SORCS2: variants seen among roughly 807,000 people sequenced by gnomAD.
SORCS2 encodes sortilin related VPS10 domain containing receptor 2.
A neutral mutation model predicts 141.6 loss-of-function variants in SORCS2; 100 were observed. The ratio of observed to expected loss-of-function variants is 0.71; its 90% CI spans 0.60 to 0.83. SORCS2 has a LOEUF of 0.83. Ranked by LOEUF, SORCS2 falls within the 40% of genes least tolerant of loss-of-function variation. The pLI, the probability that SORCS2 is intolerant of heterozygous loss-of-function variation, is 0.00. For synonymous variants in SORCS2, 789 were observed against 676.9 expected (o/e 1.17, Z -2.57); for missense variants, 1,646 against 1,560.2 (o/e 1.05, Z -0.93).
rs866095064 is a variant in SORCS2, at chr4:7,322,253, G to A, written c.481-74035G>A. On this transcript the variant is annotated intron_variant, in intron 1 of 26. Coordinates refer to ENST00000507866, the MANE Select transcript of SORCS2 (RefSeq NM_020777.3). ...GGATGAAGTGGGTGCCCAGGCCTGA[G>A]AGTGGGAGCAGAGGGGGCGGTGAGG... 5.3e-5 allele frequency among the ~76,000 whole-genome samples: 8 copies of A among 152,278 alleles called. No homozygotes were observed. The East Asian group carries it at 9.7e-4, about 18-fold the overall frequency.
At chr4:7,443,459 A>G (rs1344119572) in intron 2 of SORCS2, among the ~76,000 whole-genome samples, 1 of 152,220 alleles carries the variant, frequency 6.6e-6, no homozygotes, top group Non-Finnish European at 1.5e-5. Context: ...GAGATCACAC[A>G]GGCCTGAGAC....
intron 3 of SORCS2, among the ~76,000 whole-genome samples, chr4:7,595,553 C>T (rs570643768): frequency 6.6e-6 from 1 of 151,644 alleles, no homozygotes; most frequent in South Asian, 2.1e-4. Context: ...CCAGCCATCT[C>T]ATTACCATAC....
intron 3 of SORCS2, among the ~76,000 whole-genome samples, chr4:7,595,161 G>C (rs1717178990): frequency 6.6e-6 from 1 of 152,172 alleles, no homozygotes; most frequent in Non-Finnish European, 1.5e-5. Flanking sequence ...TCGCCACACA[G>C]AACTCAGGAG....
chr4:7,369,001 G>T (rs1256304132), intron 1 of SORCS2, among the ~76,000 whole-genome samples: 6 of 152,148 alleles, frequency 3.9e-5, no homozygotes, highest in Non-Finnish European at 7.4e-5. Context: ...ATGTGGAATT[G>T]TGAGTCCATT....
In SORCS2 at chr4:7,647,013, C is replaced by T. The variant is rs145472022; in HGVS notation, c.814-7121C>T. Among the ~76,000 whole-genome samples the T allele has an allele frequency of 9.5e-3, 1,442 of 152,256 alleles. 22 individuals are homozygous for T. The highest frequency in any genetic ancestry group is 0.032 in the African/African-American group (1,336 of 41,550). On this transcript the variant is annotated intron_variant, in intron 4 of 26. Coordinates refer to ENST00000507866, the MANE Select transcript of SORCS2 (RefSeq NM_020777.3). ...CCACTCAGGGCCTCGTCTGTCAGGC[C>T]GGGAGACCCGGACTCTTACCTGTGG...
At chr4:7,487,420 C>T (rs1731057409) in intron 2 of SORCS2, among the ~76,000 whole-genome samples, 1 of 152,164 alleles carries the variant, frequency 6.6e-6, no homozygotes, top group Non-Finnish European at 1.5e-5. Context: ...ACCTCCACTT[C>T]CCCCTCCCCT....
At chr4:7,512,026 G>A (rs190943591) in intron 2 of SORCS2, among the ~76,000 whole-genome samples, 17 of 152,306 alleles carry the variant, frequency 1.1e-4, no homozygotes, top group African/African-American at 3.4e-4. Context: ...CTGTTCCTGC[G>A]CAATACACAG....
intron 6 of SORCS2, among the ~76,000 whole-genome samples, chr4:7,661,985 G>A (rs1722204363): frequency 6.6e-6 from 1 of 152,146 alleles, no homozygotes; most frequent in African/African-American, 2.4e-5. Context: ...AATCCCCACA[G>A]AGACATCCTC....
At chr4:7,410,017 G>C (rs900108154) in intron 2 of SORCS2, among the ~76,000 whole-genome samples, 5 of 152,218 alleles carry the variant, frequency 3.3e-5, no homozygotes, top group Admixed American at 6.5e-5. Flanking sequence ...GTCCTCTGAC[G>C]CTCACTGATA....
chr4:7,706,082 C>CTGGGCAGGGATGAGGCTGAGCTCTGT (rs1560498570), intron 14 of SORCS2, among the ~76,000 whole-genome samples: 110 of 78,032 alleles, frequency 1.4e-3, no homozygotes, highest in East Asian at 7.1e-3. Context: ...CTGGGCTCTG[C>CTGGGCAGGGATGAGGCTGAGCTCTGT]CTGGACAGAG....
chr4:7,543,766 A>C (rs1712953034), intron 3 of SORCS2, among the ~76,000 whole-genome samples: 1 of 96,840 alleles, frequency 1.0e-5, no homozygotes. Flanking sequence ...CCACCCACCC[A>C]TCCGTCCATC....
intron 4 of SORCS2, among the ~76,000 whole-genome samples, chr4:7,647,702 C>T (rs879435246): frequency 1.3e-4 from 20 of 152,152 alleles, no homozygotes; most frequent in Admixed American, 1.1e-3. Context: ...GCAGGGGGGT[C>T]GCCAGCCACC....
At chr4:7,323,678 G>A (rs1220000399) in intron 1 of SORCS2, among the ~76,000 whole-genome samples, 3 of 152,090 alleles carry the variant, frequency 2.0e-5, no homozygotes, top group Non-Finnish European at 4.4e-5. Context: ...AGAGGGTGGC[G>A]TTCAGAGTCA....
At position 7,192,555 on chromosome 4, in the gene SORCS2, G is replaced by C; in HGVS notation, c.-92G>C. Reference sequence around the variant, plus strand: ...CGCCGGCTCCTTTCTCTGCGCTCTCGCTCGCGCTCCCCAGCGCCCTCCTGC... The same window carrying C: ...CGCCGGCTCCTTTCTCTGCGCTCTCCCTCGCGCTCCCCAGCGCCCTCCTGC... On this transcript the variant is annotated 5_prime_UTR_variant, in exon 1 of 27. Coordinates refer to ENST00000507866, the MANE Select transcript of SORCS2 (RefSeq NM_020777.3). This position sits in a 1 kb window ranked among gnomAD's most constrained non-coding sequence, Gnocchi z 4.0. 1 of 971,668 alleles carries C rather than the reference G, an allele frequency of 1.0e-6. No individual in the cohort carries two copies. The highest frequency in any genetic ancestry group is 1.2e-6 in the Non-Finnish European group (1 of 817,948). The allele number at this position is 971,668 out of a possible 1,614,324, so 60.2% of individuals were successfully genotyped here.
At chr4:7,548,912 G>A (rs765689966) in intron 3 of SORCS2, among the ~76,000 whole-genome samples, 4 of 152,192 alleles carry the variant, frequency 2.6e-5, no homozygotes, top group Non-Finnish European at 5.9e-5. Flanking sequence ...CACCCAGCAG[G>A]CCACTTTCTG....
chr4:7,461,839 C>A (rs763052621), intron 2 of SORCS2, among the ~76,000 whole-genome samples: 1 of 152,144 alleles, frequency 6.6e-6, no homozygotes, highest in Non-Finnish European at 1.5e-5. Context: ...CCCACATCTG[C>A]CCACCTGTCA....
intron 2 of SORCS2, among the ~76,000 whole-genome samples, chr4:7,444,353 G>GTATA (rs1727862915): frequency 6.6e-6 from 1 of 152,196 alleles, no homozygotes; most frequent in East Asian, 1.9e-4. Flanking sequence ...TGGAGACATT[G>GTATA]TATAGGTTGT....
chr4:7,649,608 A>G lies in SORCS2; in HGVS notation c.814-4526A>G, dbSNP rs530381533. Among the ~76,000 whole-genome samples, 4 of 152,154 alleles carry G rather than the reference A, an allele frequency of 2.6e-5. No individual in the cohort carries two copies. The East Asian group carries it at 7.8e-4, about 29-fold the overall frequency. The stretch of plus-strand genomic sequence containing the variant: ...TGACTTATTAGACATGGCAGCAGGA[A>G]GGTGAGGACAGGAACCCAGGGAGGA... On this transcript the variant is annotated intron_variant, in intron 4 of 26. Coordinates refer to ENST00000507866, the MANE Select transcript of SORCS2 (RefSeq NM_020777.3).
intron 1 of SORCS2, among the ~76,000 whole-genome samples, chr4:7,299,441 A>T (rs1431931130): frequency 2.0e-5 from 3 of 152,192 alleles, no homozygotes; most frequent in Non-Finnish European, 4.4e-5. Context: ...GGCCTCGGAT[A>T]CATCTCTCGG....
Sources: allele counts gnomAD v4.1 joint callset (sites outside exome capture counted in the v4.1 genomes callset), GRCh38; gene constraint gnomAD v4.1.1; non-coding constraint Gnocchi (gnomAD v3.1); transcripts MANE v1.5; gene names NCBI Gene and HGNC (gene_info 2026-07-23, HGNC 2026-07-21).